RUNX2: variants seen among roughly 807,000 people sequenced by gnomAD.
RUNX2 encodes the protein runt-related transcription factor 2.
In RUNX2, 10 loss-of-function variants were observed where a neutral mutation model predicts 51.7. That is an observed-to-expected ratio of 0.19 (90% CI 0.12 to 0.33). The LOEUF is 0.33. Among genes scored for constraint, RUNX2 ranks in the 10% least tolerant of loss-of-function variants. The pLI is 1.00. For missense variants in RUNX2, 562 were observed against 691.3 expected (o/e 0.81, Z 2.10); for synonymous variants, 276 against 273.6 (o/e 1.01, Z -0.09).
At chr6:45,359,830 G>C (rs1793925836) in intron 2 of RUNX2, among the ~76,000 whole-genome samples, 1 of 152,102 alleles carries the variant, frequency 6.6e-6, no homozygotes, top group African/African-American at 2.4e-5. Flanking sequence ...GATCACTTGA[G>C]CCCAGAAGTT....
Position 45,546,950 on chromosome 6 carries a change from T to A in RUNX2, c.1211T>A (p.Val404Asp). ...YPATFTYTPP[V>D]TSGMSLGMSA... The stretch of plus-strand genomic sequence containing the variant: ...GCCACCTTTACTTACACCCCGCCAG[T>A]CACCTCAGGCATGTCCCTCGGTATG... Residue 404 changes from valine to aspartate, a missense_variant, in exon 9 of 9, where the codon GTC (valine) becomes GAC (aspartate). Val to Asp is a radical substitution (Grantham distance 152). Around this residue, in one of 5 missense-constraint regions of RUNX2, gnomAD observed 304 missense variants for 353.2 expected, o/e 0.86. Coordinates refer to ENST00000647337, the MANE Select transcript of RUNX2 (RefSeq NM_001024630.4). 6.2e-7 allele frequency: 1 copy of A among 1,614,014 alleles called. No individual in the cohort carries two copies. The highest frequency in any genetic ancestry group is 8.5e-7 in the Non-Finnish European group (1 of 1,179,998).
chr6:45,448,227 G>A (rs1452911432), intron 5 of RUNX2, among the ~76,000 whole-genome samples: 1 of 152,190 alleles, frequency 6.6e-6, no homozygotes, highest in African/African-American at 2.4e-5. Context: ...CCATGGGCAG[G>A]CACTGAGTTG....
intron 5 of RUNX2, among the ~76,000 whole-genome samples, chr6:45,471,626 A>G (rs924774090): frequency 1.3e-5 from 2 of 151,734 alleles, no homozygotes; most frequent in Non-Finnish European, 2.9e-5. Context: ...TTGTATTTTT[A>G]ATAGAGATGG....
intron 6 of RUNX2, among the ~76,000 whole-genome samples, chr6:45,504,089 A>G (rs1800881738): frequency 6.6e-6 from 1 of 152,036 alleles, no homozygotes; most frequent in Non-Finnish European, 1.5e-5. Flanking sequence ...CTGCTGGATG[A>G]TTCTGGTAGC....
At position 45,405,009 on chromosome 6, in the gene RUNX2, C is replaced by G. The variant is rs187414687; in HGVS notation, c.59-17584C>G. ...GAGTTCTACAGTTTCTCTTCACAGT[C>G]TGCTTTGATGAAAGCATTAACTCAT... On this transcript the variant is annotated intron_variant, in intron 2 of 8. Coordinates refer to ENST00000647337, the MANE Select transcript of RUNX2 (RefSeq NM_001024630.4). Among the ~76,000 whole-genome samples the G allele has an allele frequency of 7.9e-5, 12 of 152,364 alleles. No individual in the cohort carries two copies. In the East Asian group the frequency reaches 1.7e-3, roughly 22 times the overall value.
At chr6:45,337,099 T>C (rs996736892) in intron 2 of RUNX2, among the ~76,000 whole-genome samples, 2 of 151,682 alleles carry the variant, frequency 1.3e-5, no homozygotes, top group Non-Finnish European at 3.0e-5. Flanking sequence ...ACATAGGAGA[T>C]ATACATATGC....
intron 6 of RUNX2, among the ~76,000 whole-genome samples, chr6:45,499,197 G>A (rs1237960451): frequency 6.6e-6 from 1 of 152,188 alleles, no homozygotes; most frequent in Non-Finnish European, 1.5e-5. Context: ...TACTTTGGTG[G>A]TGCAGTGTTG....
intron 2 of RUNX2, among the ~76,000 whole-genome samples, chr6:45,420,105 A>T (rs1357741137): frequency 1.3e-5 from 2 of 151,796 alleles, no homozygotes; most frequent in Non-Finnish European, 2.9e-5. Context: ...CTCCATCCTT[A>T]CCCCTCGAGA....
chr6:45,401,926 AC>A (rs1488220845), intron 2 of RUNX2, among the ~76,000 whole-genome samples: 1 of 152,232 alleles, frequency 6.6e-6, no homozygotes, highest in Non-Finnish European at 1.5e-5. Context: ...TAATGTTGAG[AC>A]CCAAACTCTC....
intron 5 of RUNX2, among the ~76,000 whole-genome samples, chr6:45,447,138 G>A (rs986779133): frequency 1.3e-5 from 2 of 152,194 alleles, no homozygotes; most frequent in South Asian, 4.1e-4. Context: ...GTAGGTTTTG[G>A]AAGATAGGGG....
In RUNX2 at chr6:45,458,909, G is replaced by C. The variant is rs538742003; in HGVS notation, c.685+20858G>C. Among the ~76,000 whole-genome samples the C allele has an allele frequency of 3.9e-5, 6 of 152,280 alleles. No individual in the cohort carries two copies. In the South Asian group the frequency reaches 1.0e-3, roughly 26 times the overall value. ...CTCAAGGTCCACAATCTGTCCTCTT[G>C]GAAAAAACTTGCCAACAGAAATGCG... On this transcript the variant is annotated intron_variant, in intron 5 of 8. Transcript: ENST00000647337.
rs67652614 is a variant in RUNX2, at chr6:45,458,022, A to ATTTT, written c.685+19984_685+19987dup. Among the ~76,000 whole-genome samples, 30 of 137,690 alleles carry ATTTT rather than the reference A, an allele frequency of 2.2e-4. 1 individual carries two copies. The highest frequency in any genetic ancestry group is 4.5e-4 in the South Asian group (2 of 4,424). The allele number at this position is 137,690 out of a possible 152,430, so 90.3% of individuals were successfully genotyped here. A position where few individuals can be genotyped will look rare whatever the true frequency, so the allele number is the denominator to read the frequency against. The stretch of plus-strand genomic sequence containing the variant: ...ATGCAATGATAAATTCTGGGATAGG[A>ATTTT]TTTTTTTTTTTTTTTTGACAGAGTT... On this transcript the variant is annotated intron_variant, in intron 5 of 8. Coordinates refer to ENST00000647337, the MANE Select transcript of RUNX2 (RefSeq NM_001024630.4).
intron 7 of RUNX2, among the ~76,000 whole-genome samples, chr6:45,533,262 C>T (rs370126168): frequency 2.6e-5 from 4 of 152,230 alleles, no homozygotes; most frequent in Admixed American, 6.5e-5. Context: ...AGGAAAATTT[C>T]GCTATTTGGC....
At chr6:45,501,108 C>T (rs746665911) in intron 6 of RUNX2, among the ~76,000 whole-genome samples, 3 of 152,172 alleles carry the variant, frequency 2.0e-5, no homozygotes, top group African/African-American at 4.8e-5. Flanking sequence ...CTCATGTGAC[C>T]GATAGAGGTC....
chr6:45,483,895 A>G (rs746345602), intron 5 of RUNX2, among the ~76,000 whole-genome samples: 74 of 152,240 alleles, frequency 4.9e-4, no homozygotes, highest in Non-Finnish European at 5.4e-4. Context: ...GTACAGTTGT[A>G]GCCATTGGAA....
intron 5 of RUNX2, among the ~76,000 whole-genome samples, chr6:45,459,650 T>C (rs182097757): frequency 6.6e-6 from 1 of 152,322 alleles, no homozygotes; most frequent in Non-Finnish European, 1.5e-5. Context: ...TTTAACAAAA[T>C]GTACAAAATT....
chr6:45,358,574 G>A (rs1410409875), intron 2 of RUNX2, among the ~76,000 whole-genome samples: 2 of 152,000 alleles, frequency 1.3e-5, no homozygotes, highest in East Asian at 1.9e-4. Context: ...AAAGATAATG[G>A]TAACAAGAGC....
intron 7 of RUNX2, among the ~76,000 whole-genome samples, chr6:45,543,783 A>G (rs1422294831): frequency 2.0e-5 from 3 of 152,088 alleles, no homozygotes; most frequent in Non-Finnish European, 4.4e-5. Flanking sequence ...TCATGTACAA[A>G]ACAGACATTG....
chr6:45,404,977 T>C (rs77868331), intron 2 of RUNX2, among the ~76,000 whole-genome samples: 4 of 152,240 alleles, frequency 2.6e-5, no homozygotes, highest in African/African-American at 4.8e-5. Context: ...AAATTTTTCA[T>C]TGAGAGGAGT....
Sources: allele counts gnomAD v4.1 joint callset (sites outside exome capture counted in the v4.1 genomes callset), GRCh38; gene constraint gnomAD v4.1.1; regional missense constraint gnomAD v4.1.1; transcripts MANE v1.5; gene names NCBI Gene and HGNC (gene_info 2026-07-23, HGNC 2026-07-21).